GRID2: variants seen among roughly 807,000 people sequenced by gnomAD.
GRID2 encodes the protein glutamate receptor ionotropic, delta-2.
Under a neutral mutation model 114.8 loss-of-function variants are expected in GRID2, and 33 were observed. The ratio of observed to expected loss-of-function variants is 0.29; its 90% CI spans 0.22 to 0.38. The LOEUF is 0.38. GRID2 is among the 10% of genes least tolerant of loss of function. GRID2 has a pLI of 1.00. For missense variants in GRID2, 1,184 were observed against 1,257.7 expected, an observed-to-expected ratio of 0.94 and a Z score of 0.89; for synonymous variants, 505 against 449.9, an observed-to-expected ratio of 1.12 and a Z score of -1.55.
intron 4 of GRID2, among the ~76,000 whole-genome samples, chr4:93,192,234 C>T (rs1005075319): frequency 6.6e-6 from 1 of 152,134 alleles, no homozygotes; most frequent in Admixed American, 6.6e-5. Context: ...AAAATAATTT[C>T]ACACCTCACC....
Position 93,773,780 on chromosome 4 carries a change from A to T in GRID2, c.*1282A>T. ...TCCTAAAGAAGAAAACATAATAACCATAATGGGCTCTCAACTCAACTCCCT... is the reference window on the plus strand; with the variant it reads ...TCCTAAAGAAGAAAACATAATAACCTTAATGGGCTCTCAACTCAACTCCCT... On this transcript the variant is annotated 3_prime_UTR_variant, in exon 16 of 16. Transcript: ENST00000282020. 6.6e-6 allele frequency: 1 copy of T among 152,148 alleles called. No individual in the cohort carries two copies. The highest frequency in any genetic ancestry group is 1.9e-4 in the East Asian group (1 of 5,194). 9.4% of individuals were successfully genotyped at this position (152,148 alleles called of 1,614,324 possible).
intron 1 of GRID2, among the ~76,000 whole-genome samples, chr4:92,401,170 G>A (rs962341837): frequency 6.6e-6 from 1 of 151,990 alleles, no homozygotes; most frequent in South Asian, 2.1e-4. Flanking sequence ...CTAATCCAAG[G>A]TCACAAGGTC....
At chr4:93,401,622 A>G (rs1226615353) in intron 9 of GRID2, among the ~76,000 whole-genome samples, 1 of 152,198 alleles carries the variant, frequency 6.6e-6, no homozygotes, top group Non-Finnish European at 1.5e-5. Context: ...TAGGAAATAT[A>G]CCAATTAGAA....
intron 14 of GRID2, among the ~76,000 whole-genome samples, chr4:93,676,847 C>T (rs965794872): frequency 5.9e-5 from 9 of 151,720 alleles, no homozygotes; most frequent in African/African-American, 1.7e-4. Flanking sequence ...CTAGTGTGAG[C>T]GATGCAGAAG....
At chr4:92,773,279 A>C (rs1014021337) in intron 2 of GRID2, among the ~76,000 whole-genome samples, 8 of 152,310 alleles carry the variant, frequency 5.3e-5, no homozygotes, top group African/African-American at 1.9e-4. Flanking sequence ...AATGGAAGAA[A>C]TGTGTTTTGA....
chr4:93,779,695 G>T (rs1240415925), intron 1 of GRID2, among the ~76,000 whole-genome samples: 2 of 152,222 alleles, frequency 1.3e-5, no homozygotes, highest in African/African-American at 4.8e-5. Flanking sequence ...AACATAGGCT[G>T]CATGGAACAA....
At chr4:93,795,206 A>C (rs1165552522) in intron 1 of GRID2, among the ~76,000 whole-genome samples, 2 of 152,152 alleles carry the variant, frequency 1.3e-5, no homozygotes, top group African/African-American at 2.4e-5. Flanking sequence ...TTATTACTAT[A>C]GTATATAGTA....
intron 4 of GRID2, among the ~76,000 whole-genome samples, chr4:93,177,517 C>T (rs560184516): frequency 2.6e-4 from 39 of 152,130 alleles, no homozygotes; most frequent in Non-Finnish European, 4.9e-4. Flanking sequence ...CACGTATATC[C>T]GATTCTTGAG....
At chr4:92,740,089 C>G (rs536941970) in intron 2 of GRID2, among the ~76,000 whole-genome samples, 75 of 152,188 alleles carry the variant, frequency 4.9e-4, no homozygotes, top group Middle Eastern at 3.4e-3. Context: ...TCCTAAAAGG[C>G]CTTTTCTTCC....
At chr4:92,618,057 G>A (rs886656413) in intron 2 of GRID2, among the ~76,000 whole-genome samples, 7 of 151,594 alleles carry the variant, frequency 4.6e-5, no homozygotes, top group Admixed American at 2.0e-4. Context: ...TGTTGCCGGC[G>A]TTTTGAAGTC....
chr4:93,468,684 C>T (rs986642441), intron 11 of GRID2, among the ~76,000 whole-genome samples: 2 of 151,936 alleles, frequency 1.3e-5, no homozygotes, highest in African/African-American at 4.8e-5. Context: ...TGAGATTGAC[C>T]TTTGTAGACT....
chr4:92,692,963 C>A (rs1734246350), intron 2 of GRID2, among the ~76,000 whole-genome samples: 1 of 149,822 alleles, frequency 6.7e-6, no homozygotes, highest in African/African-American at 2.5e-5. Context: ...GCAGAGGTGG[C>A]AGTGAGCTGA....
At chr4:93,262,195 A>G (rs181633022) in intron 8 of GRID2, among the ~76,000 whole-genome samples, 2,225 of 152,082 alleles carry the variant, frequency 0.015, 26 homozygotes, top group Middle Eastern at 0.095. Context: ...TCAGAAACCC[A>G]GTCAAAAATT....
chr4:93,749,912 C>G (rs765166394), intron 14 of GRID2, among the ~76,000 whole-genome samples: 5 of 152,190 alleles, frequency 3.3e-5, no homozygotes, highest in Non-Finnish European at 7.3e-5. Context: ...AACTACCTCA[C>G]AGGGTGATTT....
intron 4 of GRID2, among the ~76,000 whole-genome samples, chr4:93,198,041 A>G (rs557796528): frequency 6.6e-6 from 1 of 152,244 alleles, no homozygotes; most frequent in Non-Finnish European, 1.5e-5. Context: ...TGAGGTATGG[A>G]TATCCACAGA....
At chr4:92,341,534 T>C (rs1332464430) in intron 1 of GRID2, among the ~76,000 whole-genome samples, 1 of 152,082 alleles carries the variant, frequency 6.6e-6, no homozygotes, top group African/African-American at 2.4e-5. Context: ...CAATAATAAA[T>C]GTGATGATAA....
chr4:93,757,573 C>T (rs556165893), intron 14 of GRID2, among the ~76,000 whole-genome samples: 10 of 152,326 alleles, frequency 6.6e-5, no homozygotes, highest in South Asian at 4.1e-4. Flanking sequence ...TGCCCCATTC[C>T]GGGCATGTGA....
intron 2 of GRID2, among the ~76,000 whole-genome samples, chr4:92,674,715 G>T (rs551977546): frequency 2.0e-5 from 3 of 152,002 alleles, no homozygotes; most frequent in African/African-American, 7.2e-5. Context: ...TAGAGATGGG[G>T]TTTCACCATC....
chr4:92,529,574 C>A (rs759674895), intron 1 of GRID2, among the ~76,000 whole-genome samples: 1 of 152,030 alleles, frequency 6.6e-6, no homozygotes, highest in Non-Finnish European at 1.5e-5. Flanking sequence ...TACCAAACAG[C>A]TAAATGGAAC....
Sources: gnomAD v4.1 joint callset for allele counts (sites outside exome capture counted in the v4.1 genomes callset) on GRCh38, gnomAD v4.1.1 for gene constraint, MANE v1.5 for transcripts, NCBI Gene and HGNC (gene_info 2026-07-23, HGNC 2026-07-21) for gene names.